Variants in ZNF708 observed in about 807,000 individuals in gnomAD.
The protein encoded by ZNF708 is ZNF15, ZNF15L1.
In ZNF708, 44 loss-of-function variants were observed where a neutral mutation model predicts 47.0. The ratio of observed to expected loss-of-function variants is 0.94; its 90% confidence interval spans 0.74 to 1.20. The LOEUF is 1.20. Among genes scored for constraint, ZNF708 ranks in the 50% most tolerant of loss-of-function variants. The pLI is 0.00. For synonymous variants in ZNF708, 184 were observed against 218.5 expected (o/e 0.84, Z 1.39); for missense variants, 557 against 656.0 (o/e 0.85, Z 1.65).
chr19:21,324,489 C>T (rs950902580), intron 1 of ZNF708, among the ~76,000 whole-genome samples: 3 of 151,974 alleles, frequency 2.0e-5, no homozygotes, highest in African/African-American at 7.3e-5. Flanking sequence ...ATAGTTTGAA[C>T]CCAGGAGGCG....
At position 21,293,978 on chromosome 19, in the gene ZNF708, GA is replaced by G; in HGVS notation, c.987del (p.His330IlefsTer27). On this transcript the variant is annotated frameshift_variant, in exon 4 of 4. Coordinates refer to ENST00000356929, the MANE Select transcript of ZNF708 (RefSeq NM_021269.3). LOFTEE classifies it high-confidence loss of function. ...CATTTGTAGGGTTTCTCACCAGTATGAATCCTCTTATGTGTAGTAAGGTGTG... is the reference window on the plus strand; with the variant it reads ...CATTTGTAGGGTTTCTCACCAGTATGATCCTCTTATGTGTAGTAAGGTGTG... ...LSSHLTTHKRIHTGEKPYKCE... is the reference protein window; with the variant it reads ...LSSHLTTHKRXHTGEKPYKCE... 2 of 1,612,866 alleles carry G rather than the reference GA, an allele frequency of 1.2e-6. No homozygotes were observed. The highest frequency in any genetic ancestry group is 8.5e-7 in the Non-Finnish European group (1 of 1,179,410).
intron 1 of ZNF708, among the ~76,000 whole-genome samples, chr19:21,311,703 C>T (rs1238694744): frequency 6.6e-6 from 1 of 152,100 alleles, no homozygotes; most frequent in African/African-American, 2.4e-5. Flanking sequence ...AGAAAAAGTC[C>T]ACCCATTTCT....
At chr19:21,328,873 T>C (rs1973314230) in intron 1 of ZNF708, among the ~76,000 whole-genome samples, 2 of 152,202 alleles carry the variant, frequency 1.3e-5, no homozygotes, top group South Asian at 4.1e-4. Flanking sequence ...TTCCCATTCA[T>C]GAACCCGACC....
chr19:21,320,522 C>T (rs1039758868), intron 1 of ZNF708, among the ~76,000 whole-genome samples: 1 of 151,116 alleles, frequency 6.6e-6, no homozygotes, highest in Admixed American at 6.6e-5. Flanking sequence ...CCCGTCTCTA[C>T]AAAAAAATAC....
At chr19:21,295,506 G>C (rs902094161) in intron 3 of ZNF708, among the ~76,000 whole-genome samples, 2 of 152,016 alleles carry the variant, frequency 1.3e-5, no homozygotes. Context: ...AGCATTTTGG[G>C]AGGCCAAGGC....
Position 21,326,508 on chromosome 19 carries a change from A to C in ZNF708, c.3+2702T>G, listed in dbSNP as rs527647047. ...TCTGTTATGTGGGAGCTAAGCTATA[A>C]GGATGCAAAGGCATAAGAATGATAC... is the stretch of plus-strand genomic sequence containing the variant. On this transcript the variant is annotated intron_variant, in intron 1 of 3. Coordinates refer to ENST00000356929, the MANE Select transcript of ZNF708 (RefSeq NM_021269.3). Among the ~76,000 whole-genome samples, 51 of 152,354 alleles carry C rather than the reference A, an allele frequency of 3.3e-4. 2 individuals are homozygous for C. In the South Asian group the frequency reaches 0.011, roughly 32 times the overall value.
In ZNF708 at chr19:21,293,070, G is replaced by A; in HGVS notation, c.*204C>T. The A allele has an allele frequency of 1.5e-6, 1 of 662,462 alleles. No homozygotes were observed. Among genetic ancestry groups the A allele is most frequent in the Non-Finnish European group, 2.5e-6 (1 of 407,306 alleles). 41.0% of individuals were successfully genotyped at this position (662,462 alleles called of 1,614,324 possible). On this transcript the variant is annotated 3_prime_UTR_variant, in exon 4 of 4. Transcript: ENST00000356929. The stretch of plus-strand genomic sequence containing the variant: ...TCCAGTTTAAGTTTTTTTATGTTTA[G>A]TAAGATTTAGGGACCAGTTAAATGC...
chr19:21,305,710 C>G (rs942705096), intron 3 of ZNF708, among the ~76,000 whole-genome samples: 1 of 152,076 alleles, frequency 6.6e-6, no homozygotes, highest in African/African-American at 2.4e-5. Flanking sequence ...ATCTGCCCGC[C>G]TGGGCCTCCC....
At chr19:21,319,889 G>A (rs1294397707) in intron 1 of ZNF708, among the ~76,000 whole-genome samples, 3 of 152,126 alleles carry the variant, frequency 2.0e-5, no homozygotes, top group Non-Finnish European at 4.4e-5. Context: ...AAAAAGCAGT[G>A]TGGCGGCCAG....
chr19:21,323,315 A>G (rs939194795), intron 1 of ZNF708, among the ~76,000 whole-genome samples: 2 of 152,192 alleles, frequency 1.3e-5, no homozygotes, highest in African/African-American at 4.8e-5. Flanking sequence ...AGTGGTGAAA[A>G]TAAAATACTT....
At chr19:21,298,319 A>G (rs201898782) in intron 3 of ZNF708, among the ~76,000 whole-genome samples, 11 of 136,712 alleles carry the variant, frequency 8.0e-5, no homozygotes, top group East Asian at 4.3e-4. Flanking sequence ...AAATTTTATG[A>G]ATTACTTTCT....
Position 21,299,364 on chromosome 19 carries a change from C to A in ZNF708, c.227-4625G>T, listed in dbSNP as rs191912289. 8.8e-4 allele frequency among the ~76,000 whole-genome samples: 133 copies of A among 151,404 alleles called. 2 individuals are homozygous for A. The East Asian group carries it at 9.2e-3, about 10-fold the overall frequency. On this transcript the variant is annotated intron_variant, in intron 3 of 3. Transcript: ENST00000356929. ...TGAGACTCTGTCTCATACACACACA[C>A]AAAAAAACAGATTTAGCTTTGCAAG... is the stretch of plus-strand genomic sequence containing the variant.
At chr19:21,303,896 A>C (rs1972708149) in intron 3 of ZNF708, among the ~76,000 whole-genome samples, 1 of 152,106 alleles carries the variant, frequency 6.6e-6, no homozygotes, top group Admixed American at 6.6e-5. Flanking sequence ...GTATGTATGT[A>C]TAAAACATAA....
intron 1 of ZNF708, among the ~76,000 whole-genome samples, chr19:21,316,530 T>C (rs1973016391): frequency 6.6e-6 from 1 of 152,210 alleles, no homozygotes; most frequent in Non-Finnish European, 1.5e-5. Context: ...TGCACATTTG[T>C]GGACATTTTA....
At chr19:21,326,799 G>C (rs1305006219) in intron 1 of ZNF708, among the ~76,000 whole-genome samples, 1 of 152,062 alleles carries the variant, frequency 6.6e-6, no homozygotes, top group Non-Finnish European at 1.5e-5. Context: ...GGGCATGGTG[G>C]CACGCCCACC....
Position 21,294,106 on chromosome 19 carries a change from T to C in ZNF708, c.860A>G (p.Lys287Arg). The C allele has an allele frequency of 6.2e-7, 1 of 1,613,476 alleles. No homozygotes were observed. Among genetic ancestry groups the C allele is most frequent in the East Asian group, 2.2e-5 (1 of 44,840 alleles). ...AAGGTTTGAGGACTGTTTAAAAGCT[T>C]TGCCACATTCTTCACATTTGTAGGG... ...EKPYKCEECGKAFKQSSNLTN... is the reference protein window; with the variant it reads ...EKPYKCEECGRAFKQSSNLTN... The change falls in exon 4 of 4, where the codon AAA becomes AGA. Residue 287 changes from lysine (K) to arginine (R), a missense_variant. Transcript: ENST00000356929.
intron 3 of ZNF708, among the ~76,000 whole-genome samples, chr19:21,295,834 C>A (rs1405818964): frequency 6.6e-6 from 1 of 151,854 alleles, no homozygotes; most frequent in Non-Finnish European, 1.5e-5. Context: ...GGCAGGATGA[C>A]CCCATCAAAA....
At chr19:21,322,611 T>C (rs895812440) in intron 1 of ZNF708, among the ~76,000 whole-genome samples, 1 of 152,134 alleles carries the variant, frequency 6.6e-6, no homozygotes, top group Non-Finnish European at 1.5e-5. Flanking sequence ...CCAGAGCTCC[T>C]ATTCTCTAAT....
intron 3 of ZNF708, among the ~76,000 whole-genome samples, chr19:21,304,890 AT>A (rs1334796417): frequency 6.6e-6 from 1 of 152,194 alleles, no homozygotes; most frequent in Non-Finnish European, 1.5e-5. Flanking sequence ...CAACAAATAC[AT>A]TTAAGAAGAC....
Sources: allele counts gnomAD v4.1 joint callset (sites outside exome capture counted in the v4.1 genomes callset), GRCh38; gene constraint gnomAD v4.1.1; transcripts MANE v1.5; gene names NCBI Gene and HGNC (gene_info 2026-07-23, HGNC 2026-07-21).